The following DCC variants were observed in gnomAD, a reference collection of about 807,000 sequenced individuals.
DCC encodes DCC netrin 1 receptor.
DCC carries 58 observed loss-of-function variants against 172.5 expected under a neutral mutation model. The observed-to-expected ratio is 0.34, with a 90% CI of 0.27 to 0.42. The LOEUF (loss-of-function observed/expected upper bound fraction) is 0.42, where lower values mean the gene tolerates loss of function less well. Among genes scored for constraint, DCC ranks in the 10% least tolerant of loss-of-function variants. DCC has a pLI of 1.00. For synonymous variants in DCC, 709 were observed against 644.5 expected, an observed-to-expected ratio of 1.10 and a Z score of -1.52; for missense variants, 1,740 against 1,791.0, an observed-to-expected ratio of 0.97 and a Z score of 0.51.
chr18:52,843,877 A>AG (rs1011227635), intron 2 of DCC, among the ~76,000 whole-genome samples: 4 of 152,144 alleles, frequency 2.6e-5, no homozygotes, highest in Non-Finnish European at 5.9e-5. Context: ...TGTAGGGAAG[A>AG]GGGGACCCAC....
chr18:52,476,187 G>T (rs972651771), intron 1 of DCC, among the ~76,000 whole-genome samples: 1 of 152,156 alleles, frequency 6.6e-6, no homozygotes, highest in Non-Finnish European at 1.5e-5. Context: ...TGCAGCTTCA[G>T]CACCTGAGGG....
intron 12 of DCC, among the ~76,000 whole-genome samples, chr18:53,293,453 A>C (rs1249725936): frequency 6.6e-6 from 1 of 152,196 alleles, no homozygotes; most frequent in Admixed American, 6.5e-5. Flanking sequence ...TTAAATTTTT[A>C]AATAGATTAC....
intron 1 of DCC, among the ~76,000 whole-genome samples, chr18:52,386,753 G>A (rs1200816710): frequency 1.3e-5 from 2 of 152,010 alleles, no homozygotes; most frequent in African/African-American, 2.4e-5. Context: ...AATTGCTGGT[G>A]CTGTTTTGTT....
intron 1 of DCC, among the ~76,000 whole-genome samples, chr18:52,525,404 A>T (rs2031952537): frequency 6.6e-6 from 1 of 152,212 alleles, no homozygotes. Flanking sequence ...AATCTGTCAC[A>T]AGCATTGTCA....
intron 18 of DCC, among the ~76,000 whole-genome samples, chr18:53,400,339 A>C (rs1434295601): frequency 1.3e-5 from 2 of 152,170 alleles, no homozygotes; most frequent in Non-Finnish European, 2.9e-5. Flanking sequence ...AGAGATACTT[A>C]TGATTGGCTC....
intron 17 of DCC, among the ~76,000 whole-genome samples, chr18:53,395,749 T>A (rs1184375265): frequency 6.6e-6 from 1 of 152,174 alleles, no homozygotes; most frequent in Non-Finnish European, 1.5e-5. Flanking sequence ...TTCAAGCAAT[T>A]CTCCTGTCTC....
At chr18:52,529,066 G>T (rs2032068284) in intron 1 of DCC, among the ~76,000 whole-genome samples, 1 of 152,116 alleles carries the variant, frequency 6.6e-6, no homozygotes, top group Non-Finnish European at 1.5e-5. Flanking sequence ...AACTGACTGT[G>T]ACAATTAGAC....
chr18:52,396,777 C>A (rs981756931), intron 1 of DCC, among the ~76,000 whole-genome samples: 1 of 151,900 alleles, frequency 6.6e-6, no homozygotes, highest in Non-Finnish European at 1.5e-5. Context: ...TGATTCATAA[C>A]GGATGGGTCA....
chr18:52,892,875 G>C (rs1019642190), intron 2 of DCC, among the ~76,000 whole-genome samples: 2 of 152,016 alleles, frequency 1.3e-5, no homozygotes, highest in Non-Finnish European at 2.9e-5. Context: ...CCCCCAGTAG[G>C]TACTTCCAAA....
In DCC at chr18:53,320,661, T is replaced by C. The variant is rs2057400809; in HGVS notation, c.2054-1386T>C. Among the ~76,000 whole-genome samples the C allele has an allele frequency of 2.0e-5, 3 of 152,318 alleles. No individual in the cohort carries two copies. The South Asian group carries it at 6.2e-4, about 32-fold the overall frequency. ...ATGTTGGAAGCATCTCTTTGCCATC[T>C]TGTTGATGTGGTTGAATGCTGTATA... On this transcript the variant is annotated intron_variant, in intron 13 of 28. Coordinates refer to ENST00000442544, the MANE Select transcript of DCC (RefSeq NM_005215.4).
intron 26 of DCC, among the ~76,000 whole-genome samples, chr18:53,495,549 A>AT (rs1469583980): frequency 6.6e-6 from 1 of 151,840 alleles, no homozygotes; most frequent in Non-Finnish European, 1.5e-5. Flanking sequence ...TGCCCTTAAC[A>AT]TTTTTTCCTT....
At chr18:53,147,330 A>C (rs1425943675) in intron 7 of DCC, among the ~76,000 whole-genome samples, 1 of 152,206 alleles carries the variant, frequency 6.6e-6, no homozygotes, top group African/African-American at 2.4e-5. Flanking sequence ...TCTCAGAAAT[A>C]TAGAGGCCTG....
At chr18:52,575,814 C>T (rs550538322) in intron 1 of DCC, among the ~76,000 whole-genome samples, 3 of 152,186 alleles carry the variant, frequency 2.0e-5, no homozygotes, top group East Asian at 1.9e-4. Flanking sequence ...TATATCTGCC[C>T]CATCTACTTG....
In DCC at chr18:53,403,817, A is replaced by T. The variant is rs78765120; in HGVS notation, c.2935+924A>T. On this transcript the variant is annotated intron_variant, in intron 19 of 28. Coordinates refer to ENST00000442544, the MANE Select transcript of DCC (RefSeq NM_005215.4). ...TGGAAATTATACTTTCAGAAGGCAC[A>T]CTTACTTTATGTAATTTACTTTCTG... Among the ~76,000 whole-genome samples the T allele has an allele frequency of 3.2e-3, 482 of 152,354 alleles. 3 individuals are homozygous for T. Among genetic ancestry groups the T allele is most frequent in the Middle Eastern group, 0.01 (3 of 294 alleles).
intron 5 of DCC, among the ~76,000 whole-genome samples, chr18:52,969,236 C>T (rs1405472456): frequency 6.6e-6 from 1 of 152,164 alleles, no homozygotes; most frequent in Non-Finnish European, 1.5e-5. Context: ...CCAGACCTGT[C>T]TATCCAGTGC....
intron 12 of DCC, among the ~76,000 whole-genome samples, chr18:53,238,676 G>A (rs1259510342): frequency 2.6e-5 from 4 of 152,038 alleles, no homozygotes; most frequent in Non-Finnish European, 5.9e-5. Context: ...AGTATGAGAA[G>A]TATCATTGCA....
chr18:53,218,537 G>T (rs948139305), intron 12 of DCC, among the ~76,000 whole-genome samples: 6 of 152,068 alleles, frequency 3.9e-5, no homozygotes, highest in Non-Finnish European at 7.4e-5. Flanking sequence ...TTTTTACAAA[G>T]CTGTAATAGC....
intron 21 of DCC, among the ~76,000 whole-genome samples, chr18:53,418,713 A>G (rs1284210028): frequency 1.3e-5 from 2 of 152,156 alleles, no homozygotes; most frequent in Admixed American, 1.3e-4. Flanking sequence ...TCTTGTCACA[A>G]TTATTATTAT....
intron 12 of DCC, among the ~76,000 whole-genome samples, chr18:53,252,973 T>C: frequency 6.6e-6 from 1 of 152,058 alleles, no homozygotes; most frequent in African/African-American, 2.4e-5. Context: ...TAGCTAATGA[T>C]ATAATAGGAT....
Sources: allele counts gnomAD v4.1 joint callset (sites outside exome capture counted in the v4.1 genomes callset), GRCh38; gene constraint gnomAD v4.1.1; transcripts MANE v1.5; gene names NCBI Gene and HGNC (gene_info 2026-07-23, HGNC 2026-07-21).